RBFOX1: variants seen among roughly 807,000 people sequenced by gnomAD.
The protein encoded by RBFOX1 is RNA binding fox-1 homolog 1.
Under a neutral mutation model 57.7 loss-of-function variants are expected in RBFOX1, and 8 were observed. That is an observed-to-expected ratio of 0.14 (90% CI 0.08 to 0.25). RBFOX1 has a LOEUF of 0.25. Ranked by LOEUF, RBFOX1 falls within the 10% of genes least tolerant of loss-of-function variation. The pLI is 1.00. For missense variants in RBFOX1, 611 were observed against 548.5 expected (o/e 1.11, Z -1.14); for synonymous variants, 326 against 222.4 (o/e 1.47, Z -4.15).
chr16:6,710,987 A>C (rs2063615736), intron 3 of RBFOX1, among the ~76,000 whole-genome samples: 1 of 152,184 alleles, frequency 6.6e-6, no homozygotes, highest in African/African-American at 2.4e-5. Flanking sequence ...AGCTCTACTG[A>C]GCGGAAAAAT....
At chr16:6,591,943 G>A (rs891056052) in intron 2 of RBFOX1, among the ~76,000 whole-genome samples, 19 of 152,208 alleles carry the variant, frequency 1.2e-4, no homozygotes, top group African/African-American at 4.6e-4. Flanking sequence ...AGAAGACAGA[G>A]ATGTTAAGTA....
At chr16:6,993,185 C>T (rs543278328) in intron 3 of RBFOX1, among the ~76,000 whole-genome samples, 1 of 152,016 alleles carries the variant, frequency 6.6e-6, no homozygotes, top group South Asian at 2.1e-4. Context: ...CAAATAAAAT[C>T]ATTTGAGGCT....
intron 5 of RBFOX1, among the ~76,000 whole-genome samples, chr16:7,518,803 G>A (rs62012732): frequency 0.1 from 15,793 of 152,158 alleles, 872 homozygotes; most frequent in East Asian, 0.21. Flanking sequence ...TGGGAGAGTC[G>A]TTTGAAGACA....
At chr16:5,657,723 G>GTT (rs2049493775) in intron 3 of RBFOX1, among the ~76,000 whole-genome samples, 1 of 53,104 alleles carries the variant, frequency 1.9e-5, no homozygotes, top group Non-Finnish European at 4.1e-5. Context: ...TCTTTCTTTT[G>GTT]TTTCTTTTCT....
At chr16:5,751,163 C>T (rs946393014) in intron 3 of RBFOX1, among the ~76,000 whole-genome samples, 2 of 152,112 alleles carry the variant, frequency 1.3e-5, no homozygotes, top group African/African-American at 2.4e-5. Flanking sequence ...GCTTTCTGTT[C>T]AATCCAGACA....
At chr16:5,972,403 C>T (rs2059980164) in intron 4 of RBFOX1, among the ~76,000 whole-genome samples, 1 of 152,164 alleles carries the variant, frequency 6.6e-6, no homozygotes, top group Non-Finnish European at 1.5e-5. Context: ...ATGGCAGGTC[C>T]CTCTGTTTTG....
intron 1 of RBFOX1, among the ~76,000 whole-genome samples, chr16:6,052,669 A>C (rs1465240476): frequency 1.3e-5 from 2 of 151,880 alleles, no homozygotes; most frequent in Non-Finnish European, 1.5e-5. Context: ...CTGTAGTCCC[A>C]GCTACTCGGG....
At chr16:6,887,594 C>G (rs952889245) in intron 3 of RBFOX1, among the ~76,000 whole-genome samples, 1 of 151,820 alleles carries the variant, frequency 6.6e-6, no homozygotes, top group African/African-American at 2.4e-5. Context: ...GCCATATCAC[C>G]ATAGAGGTCT....
chr16:6,691,185 C>A (rs551374090), intron 3 of RBFOX1, among the ~76,000 whole-genome samples: 1 of 152,156 alleles, frequency 6.6e-6, no homozygotes, highest in African/African-American at 2.4e-5. Context: ...CTGCTATTAG[C>A]TGTGGGGGAG....
At chr16:5,465,092 G>C (rs1017970457) in intron 1 of RBFOX1, among the ~76,000 whole-genome samples, 39 of 152,194 alleles carry the variant, frequency 2.6e-4, no homozygotes, top group African/African-American at 8.4e-4. Context: ...TGCTCAGGCT[G>C]CCGTAACAAA....
intron 2 of RBFOX1, among the ~76,000 whole-genome samples, chr16:6,512,416 C>T (rs533071545): frequency 2.7e-4 from 41 of 152,000 alleles, no homozygotes; most frequent in African/African-American, 9.2e-4. Context: ...ATAGGGAATG[C>T]GTTGCATTCA....
intron 3 of RBFOX1, among the ~76,000 whole-genome samples, chr16:6,857,199 T>C (rs990963927): frequency 1.3e-5 from 2 of 152,216 alleles, no homozygotes; most frequent in East Asian, 1.9e-4. Context: ...TTTGGGACTT[T>C]GGCTCTCTCT....
intron 5 of RBFOX1, among the ~76,000 whole-genome samples, chr16:7,526,747 A>G (rs1222801130): frequency 6.6e-6 from 1 of 152,202 alleles, no homozygotes; most frequent in African/African-American, 2.4e-5. Context: ...TCCATGCACA[A>G]TCTCAACTAA....
At chr16:7,395,714 A>G (rs536961759) in intron 4 of RBFOX1, among the ~76,000 whole-genome samples, 59 of 152,358 alleles carry the variant, frequency 3.9e-4, no homozygotes, top group Admixed American at 3.4e-3. Flanking sequence ...TGCTCTATGA[A>G]TATGTCCAAG....
intron 3 of RBFOX1, among the ~76,000 whole-genome samples, chr16:6,988,744 TTTGTTTG>T (rs1485884689): frequency 0.014 from 340 of 23,646 alleles, 5 homozygotes; most frequent in Middle Eastern, 0.042. Flanking sequence ...TTTTTTTTTG[TTTGTTTG>T]TTTTTTGTTT....
intron 3 of RBFOX1, among the ~76,000 whole-genome samples, chr16:5,853,863 G>T (rs776257079): frequency 6.6e-6 from 1 of 152,112 alleles, no homozygotes; most frequent in Non-Finnish European, 1.5e-5. Context: ...TCAAGCAATT[G>T]TCCCCCTCCA....
chr16:5,548,342 G>T (rs2045321268), intron 2 of RBFOX1, among the ~76,000 whole-genome samples: 1 of 151,106 alleles, frequency 6.6e-6, no homozygotes, highest in Admixed American at 6.6e-5. Context: ...ATATACTTGA[G>T]TAACAAACCT....
At chr16:6,654,691 A>G (rs1159838610) in intron 3 of RBFOX1, 41 bp downstream of exon 3, 3 of 1,449,364 alleles carry the variant, frequency 2.1e-6, no homozygotes, top group Admixed American at 5.1e-5. Flanking sequence ...CAAACAAAAC[A>G]AGAACTCTGT....
At chr16:6,795,689 C>G (rs1457660488) in intron 3 of RBFOX1, among the ~76,000 whole-genome samples, 1 of 151,772 alleles carries the variant, frequency 6.6e-6, no homozygotes, top group Non-Finnish European at 1.5e-5. Context: ...TCGCTTGAAA[C>G]CAGAAGGCAG....
Sources: allele counts gnomAD v4.1 joint callset (sites outside exome capture counted in the v4.1 genomes callset), GRCh38; gene constraint gnomAD v4.1.1; transcripts MANE v1.5; gene names NCBI Gene and HGNC (gene_info 2026-07-23, HGNC 2026-07-21).